Variants in PALM2AKAP2 observed in about 807,000 individuals in gnomAD.
PALM2AKAP2 encodes the protein PALM2-AKAP2 fusion protein.
Under a neutral mutation model 71.5 loss-of-function variants are expected in PALM2AKAP2, and 37 were observed. The ratio of observed to expected loss-of-function variants is 0.52; its 90% CI spans 0.40 to 0.68. The LOEUF (loss-of-function observed/expected upper bound fraction) is 0.68. Ranked by LOEUF, PALM2AKAP2 falls within the 30% of genes least tolerant of loss-of-function variation. The pLI is 0.00. For synonymous variants in PALM2AKAP2, 468 were observed against 478.8 expected, an observed-to-expected ratio of 0.98 and a Z score of 0.29; for missense variants, 1,224 against 1,191.8, an observed-to-expected ratio of 1.03 and a Z score of -0.40.
upstream of PALM2AKAP2, among the ~76,000 whole-genome samples, chr9:110,045,491 C>CT (rs1180825650): frequency 2.0e-5 from 3 of 152,186 alleles, no homozygotes; most frequent in African/African-American, 7.2e-5. Context: ...CATCTGGGAG[C>CT]TGTTAACGCA....
chr9:110,136,563 G>T (rs7039409), exon 2 of PALM2AKAP2: 2 of 1,613,368 alleles, frequency 1.2e-6, no homozygotes, highest in Non-Finnish European at 1.7e-6. Flanking sequence ...ACAGCTAGCC[G>T]GCAGGCACCT....
chr9:110,027,562 G>C (rs553123466), intron 7 of PALM2AKAP2, among the ~76,000 whole-genome samples: 3 of 152,210 alleles, frequency 2.0e-5, no homozygotes, highest in Non-Finnish European at 2.9e-5. Flanking sequence ...CAAGAAACAA[G>C]GTTGGTAGCC....
At chr9:109,910,561 A>G (rs759083095) in intron 3 of PALM2AKAP2, among the ~76,000 whole-genome samples, 1 of 152,218 alleles carries the variant, frequency 6.6e-6, no homozygotes, top group African/African-American at 2.4e-5. Flanking sequence ...TCTCTTCATC[A>G]TGGAGGAAGA....
upstream of PALM2AKAP2, chr9:110,048,605 G>A (rs1314652759): frequency 7.5e-6 from 10 of 1,330,466 alleles, no homozygotes; most frequent in African/African-American, 1.4e-4. Flanking sequence ...GGCTACTGGA[G>A]GGGAAGCGAG....
rs767443658 is a variant in PALM2AKAP2 at position 110,162,250 on chromosome 9, A to G, written c.2748+5753A>G. The G allele has an allele frequency of 4.1e-6, 6 of 1,475,052 alleles. No homozygotes were observed. The South Asian group carries it at 5.8e-5, about 14-fold the overall frequency. The allele number at this position is 1,475,052 out of a possible 1,614,324, so 91.4% of individuals were successfully genotyped here. On this transcript the variant is annotated intron_variant, in intron 3 of 3. Coordinates refer to ENST00000374525, the Ensembl canonical transcript of PALM2AKAP2. ...ATGGCAAGAAAAATGACTTGTCTCC[A>G]TATGTATTTTTTTGTGCCTGTTCTG...
At chr9:109,759,752 A>G (rs1227655476) in intron 1 of PALM2AKAP2, among the ~76,000 whole-genome samples, 3 of 152,116 alleles carry the variant, frequency 2.0e-5, no homozygotes, top group African/African-American at 7.2e-5. Flanking sequence ...CTCTTAGGGA[A>G]ATTATCAATC....
intron 1 of PALM2AKAP2, among the ~76,000 whole-genome samples, chr9:110,098,032 G>A (rs1298012113): frequency 1.4e-5 from 2 of 144,532 alleles, no homozygotes; most frequent in African/African-American, 5.5e-5. Flanking sequence ...GTGGCGGCGC[G>A]TGCCTGCAAT....
At chr9:110,062,664 G>A (rs1309543288) in intron 1 of PALM2AKAP2, among the ~76,000 whole-genome samples, 1 of 152,186 alleles carries the variant, frequency 6.6e-6, no homozygotes, top group Non-Finnish European at 1.5e-5. Context: ...GGTTTCAACA[G>A]TGATTTCTAG....
At chr9:109,873,396 A>G (rs1234382942) in intron 2 of PALM2AKAP2, among the ~76,000 whole-genome samples, 1 of 152,070 alleles carries the variant, frequency 6.6e-6, no homozygotes, top group Non-Finnish European at 1.5e-5. Flanking sequence ...AGATCACACC[A>G]CTACACTCCA....
intron 5 of PALM2AKAP2, among the ~76,000 whole-genome samples, chr9:109,931,318 G>A (rs970172815): frequency 6.6e-6 from 1 of 152,196 alleles, no homozygotes; most frequent in African/African-American, 2.4e-5. Context: ...GGCTCAAGGG[G>A]TATTGTCATT....
exon 1 of PALM2AKAP2, chr9:109,780,494 A>G: frequency 6.2e-7 from 1 of 1,613,536 alleles, no homozygotes; most frequent in African/African-American, 1.3e-5. Flanking sequence ...CCAGGATGGC[A>G]GAGGCGGAAT....
At chr9:109,872,561 A>C (rs1344722514) in intron 2 of PALM2AKAP2, among the ~76,000 whole-genome samples, 1 of 152,230 alleles carries the variant, frequency 6.6e-6, no homozygotes, top group Non-Finnish European at 1.5e-5. Context: ...ATGAGCGGGG[A>C]ACCCTCACTA....
chr9:109,963,823 T>C (rs1303552258), intron 6 of PALM2AKAP2, among the ~76,000 whole-genome samples: 1 of 152,204 alleles, frequency 6.6e-6, no homozygotes, highest in Non-Finnish European at 1.5e-5. Context: ...CTGAAGGGTG[T>C]ACCAAAGGGA....
At chr9:109,682,899 A>G (rs1248537603) in intron 1 of PALM2AKAP2, among the ~76,000 whole-genome samples, 1 of 152,194 alleles carries the variant, frequency 6.6e-6, no homozygotes, top group Non-Finnish European at 1.5e-5. Context: ...CATTATTTGG[A>G]AAAAGAGTCT....
chr9:109,902,061 G>A (rs538203511), intron 3 of PALM2AKAP2, among the ~76,000 whole-genome samples: 1 of 152,256 alleles, frequency 6.6e-6, no homozygotes, highest in East Asian at 1.9e-4. Flanking sequence ...GGTTCCCAAA[G>A]ACTGAGCAGG....
chr9:110,138,061 G>GGAAGCT (rs150402481), exon 2 of PALM2AKAP2: 227,801 of 1,613,548 alleles, frequency 0.14, 16,423 homozygotes, highest in East Asian at 0.19. Context: ...CGACTGTAGA[G>GGAAGCT]GAAGCTGAAG....
chr9:109,929,422 C>T (rs73539438), intron 5 of PALM2AKAP2, among the ~76,000 whole-genome samples: 1 of 152,242 alleles, frequency 6.6e-6, no homozygotes, highest in African/African-American at 2.4e-5. Context: ...TCACTCTTCC[C>T]ACGGACAATT....
intron 6 of PALM2AKAP2, among the ~76,000 whole-genome samples, chr9:109,941,078 C>G (rs1418139): frequency 6.7e-6 from 1 of 150,132 alleles, no homozygotes; most frequent in African/African-American, 2.5e-5. Context: ...CCCTCTCTTT[C>G]TTCTTCTCCT....
intron 1 of PALM2AKAP2, among the ~76,000 whole-genome samples, chr9:109,704,182 T>A (rs934610357): frequency 6.6e-6 from 1 of 152,200 alleles, no homozygotes; most frequent in Admixed American, 6.5e-5. Flanking sequence ...GAAGATGCCC[T>A]TCTTCAGGCC....
Sources: gnomAD v4.1 joint callset for allele counts (sites outside exome capture counted in the v4.1 genomes callset) on GRCh38, gnomAD v4.1.1 for gene constraint, MANE v1.5 for transcripts, NCBI Gene and HGNC (gene_info 2026-07-23, HGNC 2026-07-21) for gene names.